Variants in FAM169A observed in about 807,000 individuals in gnomAD.
FAM169A encodes the protein family with sequence similarity 169 member A.
A neutral mutation model predicts 75.7 loss-of-function variants in FAM169A; 24 were observed. The ratio of observed to expected loss-of-function variants is 0.32; its 90% CI spans 0.23 to 0.45. FAM169A has a LOEUF of 0.45. Among genes scored for constraint, FAM169A ranks in the 20% least tolerant of loss-of-function variants. The pLI is 1.00. For synonymous variants in FAM169A, 271 were observed against 271.0 expected (o/e 1.00, Z 0.00); for missense variants, 673 against 784.0 (o/e 0.86, Z 1.69).
intron 6 of FAM169A, among the ~76,000 whole-genome samples, chr5:74,811,928 A>G (rs1465777521): frequency 2.0e-5 from 3 of 152,244 alleles, no homozygotes; most frequent in Non-Finnish European, 4.4e-5. Flanking sequence ...GTTTGAGAAT[A>G]CACACGTATG....
chr5:74,865,483 T>A (rs1580186114), intron 1 of FAM169A: 1 of 152,090 alleles, frequency 6.6e-6, no homozygotes, highest in African/African-American at 2.4e-5. Flanking sequence ...AGGACAGTCA[T>A]GGGAGTCAGT....
rs1745199250 is a variant in FAM169A at position 74,777,836 on chromosome 5, C to G, written c.*3624G>C. On this transcript the variant is annotated 3_prime_UTR_variant, in exon 13 of 13. Transcript: ENST00000687041. ...ATAGGTACTCCAGTAAGACTTGCTACTCTGAATAATGTAACATTTTTTCTA... is the reference window on the plus strand; with the variant it reads ...ATAGGTACTCCAGTAAGACTTGCTAGTCTGAATAATGTAACATTTTTTCTA... 6.6e-6 allele frequency: 1 copy of G among 151,922 alleles called. No individual in the cohort carries two copies. The highest frequency in any genetic ancestry group is 2.4e-5 in the African/African-American group (1 of 41,398). The allele number at this position is 151,922 out of a possible 1,614,324, so 9.4% of individuals were successfully genotyped here.
chr5:74,791,093 T>C (rs1204410096), intron 11 of FAM169A, among the ~76,000 whole-genome samples: 2 of 152,162 alleles, frequency 1.3e-5, no homozygotes, highest in Admixed American at 6.5e-5. Flanking sequence ...GGGCTCATGC[T>C]CATGGAATTC....
At chr5:74,840,816 G>T (rs1165205467) in intron 2 of FAM169A, among the ~76,000 whole-genome samples, 1 of 149,790 alleles carries the variant, frequency 6.7e-6, no homozygotes, top group African/African-American at 2.5e-5. Context: ...GCGACAGACC[G>T]AGACTCCATC....
chr5:74,800,334 G>C (rs1746507774), intron 10 of FAM169A, among the ~76,000 whole-genome samples: 4 of 151,486 alleles, frequency 2.6e-5, no homozygotes, highest in Admixed American at 1.3e-4. Context: ...ATGGAAAATT[G>C]TCACACTAAC....
At chr5:74,832,040 G>A (rs1257223861) in intron 5 of FAM169A, among the ~76,000 whole-genome samples, 1 of 151,990 alleles carries the variant, frequency 6.6e-6, no homozygotes, top group East Asian at 1.9e-4. Flanking sequence ...GGAACCACAA[G>A]CAACTATTTT....
Position 74,838,976 on chromosome 5 carries a change from C to T in FAM169A, c.307G>A (p.Gly103Arg). The T allele has an allele frequency of 1.2e-6, 2 of 1,612,640 alleles. No individual in the cohort carries two copies. Among genetic ancestry groups the T allele is most frequent in the Non-Finnish European group, 8.5e-7 (1 of 1,178,728 alleles). ...GAGGATCTTGTTACCTGCTTAAGCC[C>T]CTCTCTTGAAGGAACAGATGTTTTC... ...IVKTSVPSRE[G>R]LKQVSTLGER... Residue 103 changes from glycine to arginine, a missense_variant, in exon 4 of 13, where the codon GGG becomes AGG. Physicochemically the swap from Gly to Arg is moderately radical, Grantham distance 125. This residue lies in a region of FAM169A where 107 missense variants were observed against 180.8 expected (regional missense o/e 0.59). Coordinates refer to ENST00000687041, the MANE Select transcript of FAM169A (RefSeq NM_001376049.1).
At chr5:74,804,890 C>G (rs550838842) in intron 7 of FAM169A, among the ~76,000 whole-genome samples, 1 of 152,142 alleles carries the variant, frequency 6.6e-6, no homozygotes, top group South Asian at 2.1e-4. Flanking sequence ...GAGTAATCTA[C>G]GTTTATTTCT....
chr5:74,825,442 C>A (rs1747973192), intron 5 of FAM169A, among the ~76,000 whole-genome samples: 1 of 152,156 alleles, frequency 6.6e-6, no homozygotes, highest in African/African-American at 2.4e-5. Context: ...TCAACAGCCA[C>A]ATAAAGCTAG....
chr5:74,810,643 G>A (rs1377543060), intron 6 of FAM169A, among the ~76,000 whole-genome samples: 7 of 150,328 alleles, frequency 4.7e-5, no homozygotes, highest in African/African-American at 9.8e-5. Context: ...CCAGCTACTC[G>A]GGAGGCTGAG....
chr5:74,793,510 G>T (rs924653888), intron 11 of FAM169A, among the ~76,000 whole-genome samples: 6 of 152,114 alleles, frequency 3.9e-5, no homozygotes. Context: ...TAAGCTATGA[G>T]GAGGCAAAGG....
chr5:74,840,104 C>A lies in FAM169A; in HGVS notation c.202G>T (p.Ala68Ser). Residue 68 changes from alanine to serine, a missense_variant, in exon 3 of 13, where the codon GCT becomes TCT. Coordinates refer to ENST00000687041, the MANE Select transcript of FAM169A (RefSeq NM_001376049.1). ...AGTGAATCTTCAGGTGCAAAGAGAGCAAGAATTTTCTGGGTCTGATCTCCA... is the reference window on the plus strand; with the variant it reads ...AGTGAATCTTCAGGTGCAAAGAGAGAAAGAATTTTCTGGGTCTGATCTCCA... ...YGGDQTQKIL[A>S]LFAPEDSLTA... is the part of the protein sequence containing the mutation. The A allele has an allele frequency of 6.3e-7, 1 of 1,596,258 alleles. No individual in the cohort carries two copies. The highest frequency in any genetic ancestry group is 2.3e-5 in the East Asian group (1 of 44,338).
intron 11 of FAM169A, among the ~76,000 whole-genome samples, chr5:74,795,757 A>T (rs1746239237): frequency 1.3e-5 from 2 of 152,230 alleles, no homozygotes; most frequent in Admixed American, 6.5e-5. Flanking sequence ...TTATACTTTA[A>T]ATGCACCAAA....
chr5:74,806,142 A>G (rs1271097463), intron 6 of FAM169A, among the ~76,000 whole-genome samples: 1 of 152,138 alleles, frequency 6.6e-6, no homozygotes, highest in Non-Finnish European at 1.5e-5. Flanking sequence ...TGACAGAAGG[A>G]TATATAAACG....
chr5:74,796,013 A>C lies in FAM169A; in HGVS notation c.1260+17T>G, dbSNP rs780639397. On this transcript the variant is annotated intron_variant, in intron 11 of 12. Transcript: ENST00000687041. ...TAGTTTACTTTTTTTCATTTTGCTG[A>C]ATAAGTGATCTCATACCTTTTCACC... 6.2e-7 allele frequency: 1 copy of C among 1,600,092 alleles called. No homozygotes were observed. Among genetic ancestry groups the C allele is most frequent in the Non-Finnish European group, 8.5e-7 (1 of 1,175,814 alleles).
Position 74,781,938 on chromosome 5 carries a change from T to C in FAM169A, c.1535A>G (p.Glu512Gly), listed in dbSNP as rs772524411. ...GTSDEKGHME[E>G]KLSLLPRKKA... ...CTTTCTTGGAAGTAGGGACAATTTC[T>C]CTTCCATGTGCCCCTTTTCATCAGA... The change falls in exon 13 of 13, where the codon GAG (glutamate) becomes GGG (glycine). Residue 512 changes from glutamate (E) to glycine (G), a missense_variant. Glu to Gly is a moderately conservative substitution (Grantham distance 98). Coordinates refer to ENST00000687041, the MANE Select transcript of FAM169A (RefSeq NM_001376049.1). 4 of 1,614,008 alleles carry C rather than the reference T, an allele frequency of 2.5e-6. No individual in the cohort carries two copies. Among genetic ancestry groups the C allele is most frequent in the Non-Finnish European group, 3.4e-6 (4 of 1,179,892 alleles).
chr5:74,859,668 G>A lies in FAM169A; in HGVS notation c.-4+6497C>T, dbSNP rs145121112. 9.8e-4 allele frequency among the ~76,000 whole-genome samples: 149 copies of A among 152,270 alleles called. 1 individual carries two copies. Among genetic ancestry groups the A allele is most frequent in the Middle Eastern group, 3.4e-3 (1 of 294 alleles). On this transcript the variant is annotated intron_variant, in intron 1 of 12. Transcript: ENST00000687041. Reference sequence around the variant, plus strand: ...CTCATGTAAATCAAAAGCTGTGATTGATGAGTGATAGATACATCACGATTT... The same window carrying A: ...CTCATGTAAATCAAAAGCTGTGATTAATGAGTGATAGATACATCACGATTT...
chr5:74,834,417 A>C lies in FAM169A; in HGVS notation c.490+9T>G. 1 of 1,433,984 alleles carries C rather than the reference A, an allele frequency of 7.0e-7. No individual in the cohort carries two copies. Among genetic ancestry groups the C allele is most frequent in the Non-Finnish European group, 9.2e-7 (1 of 1,085,552 alleles). The allele number at this position is 1,433,984 out of a possible 1,614,324, so 88.8% of individuals were successfully genotyped here. On this transcript the variant is annotated intron_variant, in intron 5 of 12. Transcript: ENST00000687041. The stretch of plus-strand genomic sequence containing the variant: ...TAATACACAGTTTAAATAACTTTTA[A>C]AGACTCACCTGTAGGCTTAACTGAA...
At position 74,779,011 on chromosome 5, in the gene FAM169A, TC is replaced by T. The variant is rs1745270747; in HGVS notation, c.*2448del. On this transcript the variant is annotated 3_prime_UTR_variant, in exon 13 of 13. Coordinates refer to ENST00000687041, the MANE Select transcript of FAM169A (RefSeq NM_001376049.1). ...TTACTGAACATGAGAGTTAGGTTTTTCCAAGTGATCTAACTTTTCCCTCTAT... is the reference window on the plus strand; with the variant it reads ...TTACTGAACATGAGAGTTAGGTTTTTCAAGTGATCTAACTTTTCCCTCTAT... 6.6e-6 allele frequency: 1 copy of T among 152,124 alleles called. No homozygotes were observed. Among genetic ancestry groups the T allele is most frequent in the African/African-American group, 2.4e-5 (1 of 41,454 alleles). The allele number at this position is 152,124 out of a possible 1,614,324, so 9.4% of individuals were successfully genotyped here. A position where few individuals can be genotyped will look rare whatever the true frequency, so the allele number is the denominator to read the frequency against.
Sources: allele counts gnomAD v4.1 joint callset (sites outside exome capture counted in the v4.1 genomes callset), GRCh38; gene constraint gnomAD v4.1.1; regional missense constraint gnomAD v4.1.1; transcripts MANE v1.5; gene names NCBI Gene and HGNC (gene_info 2026-07-23, HGNC 2026-07-21).